GRIA1: variants seen among roughly 807,000 people sequenced by gnomAD.
The protein encoded by GRIA1 is glutamate receptor 1.
GRIA1 carries 31 observed loss-of-function variants against 99.2 expected under a neutral mutation model. The observed-to-expected ratio is 0.31, with a 90% confidence interval of 0.23 to 0.42. The LOEUF (loss-of-function observed/expected upper bound fraction) is 0.42, where lower values mean the gene tolerates loss of function less well. GRIA1 is among the 10% of genes least tolerant of loss of function. GRIA1 has a pLI of 1.00. For missense variants in GRIA1, 782 were observed against 1,157.5 expected, an observed-to-expected ratio of 0.68 and a Z score of 4.71; for synonymous variants, 438 against 432.4, an observed-to-expected ratio of 1.01 and a Z score of -0.16.
intron 2 of GRIA1, among the ~76,000 whole-genome samples, chr5:153,550,753 A>C (rs937916301): frequency 6.6e-6 from 1 of 152,316 alleles, no homozygotes; most frequent in South Asian, 2.1e-4. Context: ...TGTTGTAAGA[A>C]TTAACTGAAA....
intron 13 of GRIA1, among the ~76,000 whole-genome samples, chr5:153,787,781 A>G (rs1238657669): frequency 2.0e-5 from 3 of 152,100 alleles, no homozygotes; most frequent in Non-Finnish European, 4.4e-5. Context: ...CTCTTCCCAC[A>G]AAACTGACTC....
intron 15 of GRIA1, among the ~76,000 whole-genome samples, chr5:153,810,787 C>G (rs1766758127): frequency 6.6e-6 from 1 of 152,200 alleles, no homozygotes; most frequent in South Asian, 2.1e-4. Flanking sequence ...TTCTGTCTCA[C>G]CCAATCTAAC....
intron 2 of GRIA1, among the ~76,000 whole-genome samples, chr5:153,611,962 T>C (rs1020626328): frequency 6.6e-6 from 1 of 152,226 alleles, no homozygotes; most frequent in African/African-American, 2.4e-5. Context: ...ATGACTCTGT[T>C]TTTTAATTTA....
At chr5:153,706,289 T>C in intron 11 of GRIA1, 1 of 563,580 alleles carries the variant, frequency 1.8e-6, no homozygotes, top group South Asian at 2.0e-5. Flanking sequence ...GTTGATGTGC[T>C]CTGTCAAGGT....
intron 2 of GRIA1, among the ~76,000 whole-genome samples, chr5:153,517,759 T>C (rs934294936): frequency 1.3e-5 from 2 of 152,236 alleles, no homozygotes; most frequent in Non-Finnish European, 2.9e-5. Flanking sequence ...GTGATCTTTT[T>C]CCCATATCAC....
intron 2 of GRIA1, among the ~76,000 whole-genome samples, chr5:153,644,114 T>C (rs368770864): frequency 6.6e-6 from 1 of 152,224 alleles, no homozygotes; most frequent in Non-Finnish European, 1.5e-5. Context: ...GAGGTTTATG[T>C]GCTCCCCATA....
intron 8 of GRIA1, among the ~76,000 whole-genome samples, chr5:153,690,210 T>C (rs1443345524): frequency 6.6e-6 from 1 of 151,802 alleles, no homozygotes; most frequent in African/African-American, 2.4e-5. Context: ...TTGATAAGAA[T>C]CACTGGCAAC....
intron 7 of GRIA1, among the ~76,000 whole-genome samples, chr5:153,681,719 A>C (rs1287737315): frequency 6.6e-6 from 1 of 152,138 alleles, no homozygotes; most frequent in African/African-American, 2.4e-5. Context: ...GGCTTGTCAC[A>C]GGGCTCAGAA....
chr5:153,779,640 A>G (rs1764503066), intron 13 of GRIA1, among the ~76,000 whole-genome samples: 1 of 152,106 alleles, frequency 6.6e-6, no homozygotes, highest in Admixed American at 6.5e-5. Context: ...AGCTCACTGC[A>G]ACCTCCGCCT....
At chr5:153,623,222 A>G (rs1323889112) in intron 2 of GRIA1, among the ~76,000 whole-genome samples, 6 of 145,754 alleles carry the variant, frequency 4.1e-5, no homozygotes, top group Non-Finnish European at 6.3e-5. Context: ...GCTCAATTGG[A>G]AAAAAAAATG....
At chr5:153,663,582 TAA>T (rs1755529914) in intron 5 of GRIA1, among the ~76,000 whole-genome samples, 1 of 152,202 alleles carries the variant, frequency 6.6e-6, no homozygotes, top group Non-Finnish European at 1.5e-5. Flanking sequence ...TTAATGTATG[TAA>T]AGTTTTAGAA....
chr5:153,600,427 T>C (rs1227916393), intron 2 of GRIA1, among the ~76,000 whole-genome samples: 1 of 40,494 alleles, frequency 2.5e-5, no homozygotes, highest in East Asian at 7.1e-4. Context: ...GTATGGAGTT[T>C]GTAAGGATAG....
intron 7 of GRIA1, among the ~76,000 whole-genome samples, chr5:153,684,748 T>G (rs928348739): frequency 6.6e-6 from 1 of 152,224 alleles, no homozygotes; most frequent in African/African-American, 2.4e-5. Flanking sequence ...TTTCTTTTAT[T>G]CTTTGTAGTA....
chr5:153,780,021 C>T (rs936580042), intron 13 of GRIA1, among the ~76,000 whole-genome samples: 1 of 152,206 alleles, frequency 6.6e-6, no homozygotes, highest in African/African-American at 2.4e-5. Flanking sequence ...AACAGCAGCT[C>T]AGTGCAGGCT....
In GRIA1 at chr5:153,544,016, G is replaced by A. The variant is rs779108745; in HGVS notation, c.220+49951G>A. Among the ~76,000 whole-genome samples, 7 of 152,202 alleles carry A rather than the reference G, an allele frequency of 4.6e-5. No homozygotes were observed. The East Asian group carries it at 1.2e-3, about 25-fold the overall frequency. The stretch of plus-strand genomic sequence containing the variant: ...TCTTTAAATAGGGTGGTGAGGGAAG[G>A]CCTCTGATAAGGTGATATCTGAGCA... On this transcript the variant is annotated intron_variant, in intron 2 of 15. Transcript: ENST00000285900.
chr5:153,492,622 G>T (rs1445330906), intron 1 of GRIA1, among the ~76,000 whole-genome samples: 1 of 152,124 alleles, frequency 6.6e-6, no homozygotes, highest in Non-Finnish European at 1.5e-5. Flanking sequence ...ATCCTTTGTG[G>T]CTTGGAAGTG....
At chr5:153,633,413 G>A (rs892032147) in intron 2 of GRIA1, among the ~76,000 whole-genome samples, 4 of 152,314 alleles carry the variant, frequency 2.6e-5, no homozygotes, top group Admixed American at 2.6e-4. Flanking sequence ...CTTAGCAGGA[G>A]TTGTTTCCTG....
intron 5 of GRIA1, among the ~76,000 whole-genome samples, chr5:153,672,453 T>C (rs753419069): frequency 1.3e-5 from 2 of 152,048 alleles, no homozygotes; most frequent in Non-Finnish European, 2.9e-5. Context: ...CTCTGAGAGA[T>C]GGCAGTCTAG....
At chr5:153,749,891 A>C (rs1762401898) in intron 11 of GRIA1, among the ~76,000 whole-genome samples, 1 of 152,030 alleles carries the variant, frequency 6.6e-6, no homozygotes, top group South Asian at 2.1e-4. Context: ...ATAGCCCTGC[A>C]AGTGCTAGAA....
Sources: allele counts gnomAD v4.1 joint callset (sites outside exome capture counted in the v4.1 genomes callset), GRCh38; gene constraint gnomAD v4.1.1; transcripts MANE v1.5; gene names NCBI Gene and HGNC (gene_info 2026-07-23, HGNC 2026-07-21).